Variants in FBN1 observed in about 807,000 individuals in gnomAD.
The protein encoded by FBN1 is fibrillin-1.
A neutral mutation model predicts 365.1 loss-of-function variants in FBN1; 29 were observed. The ratio of observed to expected loss-of-function variants is 0.08; its 90% CI spans 0.06 to 0.11. FBN1 has a LOEUF of 0.11. Ranked by LOEUF, FBN1 falls within the 10% of genes least tolerant of loss-of-function variation. The pLI is 1.00. For synonymous variants in FBN1, 1,210 were observed against 1,270.5 expected (o/e 0.95, Z 1.01); for missense variants, 2,476 against 3,703.2 (o/e 0.67, Z 8.60).
At chr15:48,482,716 C>T (rs1448143929) in intron 31 of FBN1, among the ~76,000 whole-genome samples, 1 of 152,184 alleles carries the variant, frequency 6.6e-6, no homozygotes, top group African/African-American at 2.4e-5. Context: ...TGCAAGTATT[C>T]AGATGAGTAG....
chr15:48,572,044 C>A (rs1267143949), intron 6 of FBN1, among the ~76,000 whole-genome samples: 1 of 152,160 alleles, frequency 6.6e-6, no homozygotes, highest in Admixed American at 6.6e-5. Flanking sequence ...TAGGTAGTTT[C>A]TTCGCTACTT....
At chr15:48,469,051 G>C (rs907717279) in intron 36 of FBN1, among the ~76,000 whole-genome samples, 1 of 111,670 alleles carries the variant, frequency 9.0e-6, no homozygotes, top group African/African-American at 3.8e-5. Context: ...CTGGGCGACA[G>C]AGCGAGACTC....
chr15:48,601,538 C>T (rs2044567590), intron 4 of FBN1, among the ~76,000 whole-genome samples: 1 of 152,186 alleles, frequency 6.6e-6, no homozygotes, highest in East Asian at 1.9e-4. Flanking sequence ...AAGCAGAAAT[C>T]TGCTGTTTAT....
intron 6 of FBN1, among the ~76,000 whole-genome samples, chr15:48,588,961 G>C (rs906915400): frequency 5.3e-5 from 8 of 152,206 alleles, no homozygotes; most frequent in African/African-American, 1.9e-4. Flanking sequence ...CTTGGACAAT[G>C]GTTCCAATGA....
intron 13 of FBN1, among the ~76,000 whole-genome samples, chr15:48,512,644 C>G (rs7166460): frequency 6.6e-6 from 1 of 152,030 alleles, no homozygotes; most frequent in African/African-American, 2.4e-5. Flanking sequence ...GTCCCTGCAA[C>G]GGACATGATC....
At chr15:48,516,450 A>G in intron 10 of FBN1, 88 bp from the exon 11 acceptor site, 1 of 1,335,960 alleles carries the variant, frequency 7.5e-7, no homozygotes, top group South Asian at 1.2e-5. Flanking sequence ...TTTTTTAAAG[A>G]TATTTTTGAA....
chr15:48,596,189 C>G, intron 6 of FBN1, 94 bp downstream of exon 6: 7 of 1,105,308 alleles, frequency 6.3e-6, no homozygotes, highest in Non-Finnish European at 9.6e-6. Flanking sequence ...CAGCAACATT[C>G]AGGAAGTAGC....
chr15:48,644,494 G>T, intron 2 of FBN1, 112 bp downstream of exon 2: 1 of 1,472,106 alleles, frequency 6.8e-7, no homozygotes, highest in East Asian at 2.3e-5. Context: ...CCTCTAAGGT[G>T]CCCCCAGGAG....
chr15:48,538,333 G>T (rs1342159611), intron 6 of FBN1, among the ~76,000 whole-genome samples: 1 of 152,298 alleles, frequency 6.6e-6, no homozygotes, highest in East Asian at 1.9e-4. Flanking sequence ...TTCAATAAAA[G>T]AAATGGTTAT....
chr15:48,434,770 T>G, intron 53 of FBN1, 57 bp from the exon 54 acceptor site: 2 of 1,597,232 alleles, frequency 1.3e-6, no homozygotes, highest in Non-Finnish European at 1.7e-6. Context: ...TACCTTTTAT[T>G]CTATCAGAGG....
intron 6 of FBN1, among the ~76,000 whole-genome samples, chr15:48,585,847 T>C (rs1210717122): frequency 1.3e-5 from 2 of 152,174 alleles, no homozygotes; most frequent in African/African-American, 2.4e-5. Flanking sequence ...ATAATACCTA[T>C]ATAATTATTT....
intron 36 of FBN1, 135 bp from the exon 37 acceptor site, chr15:48,468,669 C>T: frequency 1.2e-6 from 1 of 838,474 alleles, no homozygotes; most frequent in Non-Finnish European, 2.0e-6. Context: ...TCTAGAAATG[C>T]AGTCTTCCAC....
At chr15:48,537,171 A>G (rs1436595990) in intron 7 of FBN1, among the ~76,000 whole-genome samples, 3 of 152,238 alleles carry the variant, frequency 2.0e-5, no homozygotes, top group South Asian at 2.1e-4. Flanking sequence ...GTAGCATGCA[A>G]AATGTCGAGA....
intron 6 of FBN1, among the ~76,000 whole-genome samples, chr15:48,573,282 G>A (rs1259585456): frequency 6.6e-6 from 1 of 152,128 alleles, no homozygotes; most frequent in African/African-American, 2.4e-5. Flanking sequence ...ACACAACACA[G>A]CTCAAATTAT....
intron 4 of FBN1, among the ~76,000 whole-genome samples, chr15:48,601,119 A>T (rs1399472993): frequency 2.0e-5 from 3 of 152,232 alleles, no homozygotes; most frequent in African/African-American, 7.2e-5. Context: ...TTTCACCTAC[A>T]GAAGTGTTCA....
At chr15:48,521,529 T>C (rs2043854790) in intron 9 of FBN1, among the ~76,000 whole-genome samples, 1 of 152,228 alleles carries the variant, frequency 6.6e-6, no homozygotes, top group Non-Finnish European at 1.5e-5. Context: ...TGGCAGAAAG[T>C]GTCTTCTCAA....
intron 64 of FBN1, among the ~76,000 whole-genome samples, chr15:48,415,224 G>T (rs1033958548): frequency 6.6e-6 from 1 of 152,210 alleles, no homozygotes; most frequent in African/African-American, 2.4e-5. Flanking sequence ...TCATGGGTTG[G>T]CAGAGAGGTG....
At chr15:48,493,727 T>G (rs549139124) in intron 23 of FBN1, among the ~76,000 whole-genome samples, 2 of 152,244 alleles carry the variant, frequency 1.3e-5, no homozygotes, top group Non-Finnish European at 2.9e-5. Flanking sequence ...TTAGTCACCA[T>G]GACCTATGTC....
At chr15:48,588,868 A>C (rs932721030) in intron 6 of FBN1, among the ~76,000 whole-genome samples, 2 of 152,184 alleles carry the variant, frequency 1.3e-5, no homozygotes, top group African/African-American at 4.8e-5. Context: ...GACTCCTCAG[A>C]TTGCATGATA....
Sources: gnomAD v4.1 joint callset for allele counts (sites outside exome capture counted in the v4.1 genomes callset) on GRCh38, gnomAD v4.1.1 for gene constraint, MANE v1.5 for transcripts, NCBI Gene and HGNC (gene_info 2026-07-23, HGNC 2026-07-21) for gene names.